Variants in AGPAT5 observed in about 807,000 individuals in gnomAD.
AGPAT5 encodes 1-acylglycerol-3-phosphate O-acyltransferase 5.
In AGPAT5, 46 loss-of-function variants were observed where a neutral mutation model predicts 45.6. That is an observed-to-expected ratio of 1.01 (90% confidence interval 0.80 to 1.29). The LOEUF is 1.29. AGPAT5 is among the 50% of genes most tolerant of loss of function. The pLI is 0.00. For missense variants in AGPAT5, 673 were observed against 450.7 expected (o/e 1.49, Z -4.47); for synonymous variants, 272 against 167.0 (o/e 1.63, Z -4.85).
rs201996114 is a variant in AGPAT5 at position 6,724,870 on chromosome 8, A to G, written c.220A>G (p.Ile74Val). 1 of 965,340 alleles carries G rather than the reference A, an allele frequency of 1.0e-6. No individual in the cohort carries two copies. Among genetic ancestry groups the G allele is most frequent in the East Asian group, 3.1e-5 (1 of 32,356 alleles). The allele number at this position is 965,340 out of a possible 1,614,324, so 59.8% of individuals were successfully genotyped here. ...FFFENYTGVQILLYGDLPKNK... is the reference protein window; with the variant it reads ...FFFENYTGVQVLLYGDLPKNK... Reference sequence around the variant, plus strand: ...AATGTTTTTTTGTTTTATCTTTTAGATATTGCTATATGGAGATTTGCCAAA... The same window carrying G: ...AATGTTTTTTTGTTTTATCTTTTAGGTATTGCTATATGGAGATTTGCCAAA... Residue 74 changes from isoleucine to valine, a missense_variant and splice_region_variant, in exon 2 of 8, where the codon ATA becomes GTA. Physicochemically the swap from Ile to Val is conservative, Grantham distance 29. Transcript: ENST00000285518.
chr8:6,725,416 G>A (rs1800652979), intron 2 of AGPAT5, among the ~76,000 whole-genome samples: 1 of 152,132 alleles, frequency 6.6e-6, no homozygotes, highest in South Asian at 2.1e-4. Flanking sequence ...AATTCTAGTT[G>A]CTACTGTTCC....
intron 7 of AGPAT5, among the ~76,000 whole-genome samples, chr8:6,756,194 A>T (rs573520616): frequency 6.6e-6 from 1 of 152,184 alleles, no homozygotes; most frequent in Non-Finnish European, 1.5e-5. Flanking sequence ...TGAGTTAACT[A>T]TGCTGTTTTC....
At chr8:6,730,678 C>G in intron 2 of AGPAT5, 33 bp from the exon 3 acceptor site, 2 of 1,457,174 alleles carry the variant, frequency 1.4e-6, no homozygotes, top group Non-Finnish European at 9.6e-7. Flanking sequence ...TGAAGAGCCT[C>G]ATGTACGCGC....
chr8:6,755,437 A>T (rs1801803219), intron 7 of AGPAT5, among the ~76,000 whole-genome samples: 2 of 152,194 alleles, frequency 1.3e-5, no homozygotes, highest in South Asian at 4.2e-4. Context: ...AATTAAATTA[A>T]AAACAACAAC....
chr8:6,748,168 C>T (rs1380833673), intron 6 of AGPAT5, among the ~76,000 whole-genome samples: 2 of 152,166 alleles, frequency 1.3e-5, no homozygotes, highest in Admixed American at 1.3e-4. Context: ...CGTTATTAGT[C>T]AGTGCTGCCC....
At chr8:6,728,183 A>G (rs1476660083) in intron 2 of AGPAT5, among the ~76,000 whole-genome samples, 1 of 152,218 alleles carries the variant, frequency 6.6e-6, no homozygotes, top group East Asian at 1.9e-4. Context: ...GTTAATGGGA[A>G]CTATGACTCT....
At chr8:6,718,800 C>A (rs1436774631) in intron 1 of AGPAT5, among the ~76,000 whole-genome samples, 1 of 152,332 alleles carries the variant, frequency 6.6e-6, no homozygotes, top group Non-Finnish European at 1.5e-5. Flanking sequence ...GTTATTCTTT[C>A]ATTCCTGATC....
chr8:6,715,380 T>A (rs943734447), intron 1 of AGPAT5, among the ~76,000 whole-genome samples: 6 of 152,052 alleles, frequency 3.9e-5, no homozygotes, highest in African/African-American at 1.2e-4. Context: ...TGAAAAGAAT[T>A]CCAAATCTAT....
At chr8:6,739,445 T>A (rs151330497) in intron 4 of AGPAT5, among the ~76,000 whole-genome samples, 7 of 152,254 alleles carry the variant, frequency 4.6e-5, no homozygotes, top group African/African-American at 1.4e-4. Context: ...TACTTAGGTC[T>A]TCTTTATTTA....
chr8:6,715,894 G>A (rs201790749), intron 1 of AGPAT5, among the ~76,000 whole-genome samples: 1 of 152,154 alleles, frequency 6.6e-6, no homozygotes, highest in Admixed American at 6.5e-5. Flanking sequence ...AGGGAAAAGA[G>A]GTTTTCAATT....
At position 6,761,076 on chromosome 8, in the gene AGPAT5, G is replaced by A. The variant is rs1009823187; in HGVS notation, c.*3688G>A. Among the ~76,000 whole-genome samples, 2 of 152,126 alleles carry A rather than the reference G, an allele frequency of 1.3e-5. No individual in the cohort carries two copies. Among genetic ancestry groups the A allele is most frequent in the Non-Finnish European group, 2.9e-5 (2 of 68,034 alleles). ...ATATGAGGTCAAAGACATATACCTT[G>A]TTATTATAATATGTATACTATAATA... is the stretch of plus-strand genomic sequence containing the variant. On this transcript the variant is annotated 3_prime_UTR_variant, in exon 8 of 8. Coordinates refer to ENST00000285518, the MANE Select transcript of AGPAT5 (RefSeq NM_018361.5).
At position 6,732,757 on chromosome 8, in the gene AGPAT5, A is replaced by C. The variant is rs1315514414; in HGVS notation, c.495+107A>C. 5 of 1,013,496 alleles carry C rather than the reference A, an allele frequency of 4.9e-6. No individual in the cohort carries two copies. The East Asian group carries it at 1.4e-4, about 29-fold the overall frequency. 62.8% of individuals were successfully genotyped at this position (1,013,496 alleles called of 1,614,324 possible). A position where few individuals can be genotyped will look rare whatever the true frequency, so the allele number is the denominator to read the frequency against. On this transcript the variant is annotated intron_variant, in intron 4 of 7. Transcript: ENST00000285518. ...TTGACAATGTATTTTCCCATGTGTA[A>C]TTACTAATTCAGGGTTATGCTGAGG...
At chr8:6,728,510 A>G (rs1407819807) in intron 2 of AGPAT5, among the ~76,000 whole-genome samples, 1 of 152,240 alleles carries the variant, frequency 6.6e-6, no homozygotes, top group African/African-American at 2.4e-5. Flanking sequence ...TATTATGAAC[A>G]TGATGTATTT....
chr8:6,720,826 G>A (rs1446352209), intron 1 of AGPAT5, among the ~76,000 whole-genome samples: 2 of 152,272 alleles, frequency 1.3e-5, no homozygotes, highest in East Asian at 1.9e-4. Flanking sequence ...AAGAACCAGC[G>A]TTCTTAATAC....
intron 4 of AGPAT5, chr8:6,738,602 G>A (rs1801134906): frequency 6.6e-6 from 1 of 152,140 alleles, no homozygotes; most frequent in African/African-American, 2.4e-5. Context: ...TCGATGCAGG[G>A]TTGTCATAAA....
rs960689461 is a variant in AGPAT5, at chr8:6,761,112, A to T, written c.*3724A>T. ...ATGTATACTATAATAATAGCTGGTT[A>T]TCCTGAGCAGGGGAAAAGGTTATTT... On this transcript the variant is annotated 3_prime_UTR_variant, in exon 8 of 8. Transcript: ENST00000285518. 2.0e-5 allele frequency among the ~76,000 whole-genome samples: 3 copies of T among 152,206 alleles called. No homozygotes were observed. The highest frequency in any genetic ancestry group is 4.4e-5 in the Non-Finnish European group (3 of 68,032).
chr8:6,757,034 T>G (rs960566574), intron 7 of AGPAT5, 129 bp from the exon 8 acceptor site: 1 of 664,610 alleles, frequency 1.5e-6, no homozygotes, highest in African/African-American at 1.8e-5. Flanking sequence ...TTCTGGATGT[T>G]TCCGTATTCA....
chr8:6,715,663 G>A (rs796315646), intron 1 of AGPAT5, among the ~76,000 whole-genome samples: 1 of 152,120 alleles, frequency 6.6e-6, no homozygotes, highest in African/African-American at 2.4e-5. Flanking sequence ...GGTTATATTG[G>A]TTGAAATGAG....
In AGPAT5 at chr8:6,741,741, T is replaced by C; in HGVS notation, c.576T>C (p.Ala192=). The C allele has an allele frequency of 6.2e-7, 1 of 1,611,584 alleles. No individual in the cohort carries two copies. The highest frequency in any genetic ancestry group is 8.5e-7 in the Non-Finnish European group (1 of 1,178,420). ...TCCTTTCAGCTAGTCAGGCATTTGC[T>C]GCCCAACGTGGTAAGTAAAAATTTG... ...TKVLSASQAF[A]AQRGLAVLKH... is the part of the protein sequence containing the mutation. The change falls in exon 5 of 8, where the codon GCT becomes GCC. Residue 192 remains alanine (A), a synonymous_variant. Transcript: ENST00000285518.
Sources: allele counts gnomAD v4.1 joint callset (sites outside exome capture counted in the v4.1 genomes callset), GRCh38; gene constraint gnomAD v4.1.1; transcripts MANE v1.5; gene names NCBI Gene and HGNC (gene_info 2026-07-23, HGNC 2026-07-21).